BICD1: variants seen among roughly 807,000 people sequenced by gnomAD.
The protein encoded by BICD1 is protein bicaudal D homolog 1.
In BICD1, 35 loss-of-function variants were observed where a neutral mutation model predicts 92.5. That is an observed-to-expected ratio of 0.38 (90% CI 0.29 to 0.50). The LOEUF is 0.50. BICD1 is among the 20% of genes least tolerant of loss of function. The pLI, the probability that BICD1 is intolerant of heterozygous loss-of-function variation, is 0.93. For synonymous variants in BICD1, 429 were observed against 465.1 expected (o/e 0.92, Z 1.00); for missense variants, 950 against 1,189.8 (o/e 0.80, Z 2.97).
intron 4 of BICD1, among the ~76,000 whole-genome samples, chr12:32,317,733 A>G (rs1948541775): frequency 6.6e-6 from 1 of 152,034 alleles, no homozygotes; most frequent in African/African-American, 2.4e-5. Flanking sequence ...CCATTTGTCA[A>G]TTTTGGCTTT....
At chr12:32,114,755 AAT>A (rs1941828783) in intron 1 of BICD1, among the ~76,000 whole-genome samples, 1 of 152,222 alleles carries the variant, frequency 6.6e-6, no homozygotes, top group Non-Finnish European at 1.5e-5. Flanking sequence ...TAAACAATTT[AAT>A]AATGTTTTCA....
At position 32,175,302 on chromosome 12, in the gene BICD1, T is replaced by C. The variant is rs538686128; in HGVS notation, c.214-40945T>C. Among the ~76,000 whole-genome samples the C allele has an allele frequency of 3.6e-4, 55 of 152,304 alleles. 1 individual carries two copies. The highest frequency in any genetic ancestry group is 1.2e-3 in the African/African-American group (49 of 41,558). On this transcript the variant is annotated intron_variant, in intron 1 of 9. Transcript: ENST00000652176. ...TTTTCTTCTTTTTACCTTGTGTTTC[T>C]AACACATACTAAGCTTTTTTTCTTT... is the stretch of plus-strand genomic sequence containing the variant.
chr12:32,135,914 G>A (rs1045034445), intron 1 of BICD1, among the ~76,000 whole-genome samples: 10 of 124,242 alleles, frequency 8.0e-5, no homozygotes, highest in Non-Finnish European at 1.6e-4. Flanking sequence ...AAGGAGAGGC[G>A]TGTGGAGGAT....
chr12:32,211,809 A>T (rs1388910793), intron 1 of BICD1, among the ~76,000 whole-genome samples: 1 of 152,044 alleles, frequency 6.6e-6, no homozygotes. Flanking sequence ...CAGGATGATG[A>T]TCTGTTGAAG....
intron 9 of BICD1, chr12:32,368,091 T>C: frequency 9.5e-6 from 2 of 211,588 alleles, no homozygotes; most frequent in Non-Finnish European, 1.9e-5. Flanking sequence ...TTTTCTTTTG[T>C]CTTTAAAATA....
At chr12:32,215,697 C>T (rs190336872) in intron 1 of BICD1, among the ~76,000 whole-genome samples, 1 of 151,900 alleles carries the variant, frequency 6.6e-6, no homozygotes, top group African/African-American at 2.4e-5. Flanking sequence ...TGCCTGTAAT[C>T]CCAGAACTTT....
chr12:32,274,092 T>A (rs1398761759), intron 2 of BICD1, among the ~76,000 whole-genome samples: 1 of 152,192 alleles, frequency 6.6e-6, no homozygotes, highest in Non-Finnish European at 1.5e-5. Flanking sequence ...GAAGGCAGGG[T>A]TTCGTGGGGG....
intron 1 of BICD1, among the ~76,000 whole-genome samples, chr12:32,212,012 G>A (rs11051854): frequency 6.6e-6 from 1 of 152,248 alleles, no homozygotes; most frequent in East Asian, 1.9e-4. Flanking sequence ...ACCACATCTG[G>A]AAATCTGACT....
intron 5 of BICD1, among the ~76,000 whole-genome samples, chr12:32,331,543 G>A (rs1450406997): frequency 1.3e-5 from 2 of 152,098 alleles, no homozygotes; most frequent in Non-Finnish European, 2.9e-5. Context: ...TGGGATCCAG[G>A]TCCAAACATG....
Position 32,289,951 on chromosome 12 carries a change from T to C in BICD1, c.427-4043T>C, listed in dbSNP as rs569638995. ...ACACTTGTGACCTACAGAATTGCTT[T>C]AAGAGGTCAGCACTGATAAAAACAG... On this transcript the variant is annotated intron_variant, in intron 2 of 9. Transcript: ENST00000652176. 1.1e-4 allele frequency among the ~76,000 whole-genome samples: 16 copies of C among 152,290 alleles called. No homozygotes were observed. In the South Asian group the frequency reaches 1.9e-3, roughly 18 times the overall value.
intron 1 of BICD1, among the ~76,000 whole-genome samples, chr12:32,158,679 C>T (rs1943515341): frequency 1.3e-5 from 2 of 152,168 alleles, no homozygotes; most frequent in South Asian, 4.1e-4. Flanking sequence ...GGCTTTGCTT[C>T]CTTCTCATGT....
intron 1 of BICD1, among the ~76,000 whole-genome samples, chr12:32,206,165 T>G (rs755793805): frequency 6.6e-6 from 1 of 152,252 alleles, no homozygotes; most frequent in Non-Finnish European, 1.5e-5. Flanking sequence ...TGTGTAAATC[T>G]TTATGTGATC....
chr12:32,199,294 G>A (rs1944831990), intron 1 of BICD1, among the ~76,000 whole-genome samples: 1 of 152,146 alleles, frequency 6.6e-6, no homozygotes, highest in Non-Finnish European at 1.5e-5. Flanking sequence ...GAGGTAAGTA[G>A]CTCAGGGCTT....
At chr12:32,107,883 A>C in intron 1 of BICD1, 1 of 600,684 alleles carries the variant, frequency 1.7e-6, no homozygotes, top group South Asian at 1.9e-5. Flanking sequence ...CTGTTATCTC[A>C]AACCCAGGTT....
chr12:32,254,276 C>T (rs1467594985), intron 2 of BICD1, among the ~76,000 whole-genome samples: 1 of 151,052 alleles, frequency 6.6e-6, no homozygotes, highest in Non-Finnish European at 1.5e-5. Flanking sequence ...CGTATCCCAC[C>T]TGCCATAATC....
chr12:32,169,016 G>A (rs1943857370), intron 1 of BICD1, among the ~76,000 whole-genome samples: 1 of 152,026 alleles, frequency 6.6e-6, no homozygotes, highest in South Asian at 2.1e-4. Context: ...CCCTTGCTTT[G>A]TGCCCATCTG....
chr12:32,113,956 C>G (rs1172706715), intron 1 of BICD1, among the ~76,000 whole-genome samples: 2 of 151,546 alleles, frequency 1.3e-5, no homozygotes, highest in Non-Finnish European at 2.9e-5. Flanking sequence ...ACTGCAACCT[C>G]TGCCTCCCGG....
intron 1 of BICD1, among the ~76,000 whole-genome samples, chr12:32,170,376 T>TA (rs1943900675): frequency 6.6e-6 from 1 of 152,220 alleles, no homozygotes; most frequent in African/African-American, 2.4e-5. Flanking sequence ...ATACATTCAA[T>TA]AAATAAAATA....
At chr12:32,372,081 C>T (rs1342066187) in intron 9 of BICD1, among the ~76,000 whole-genome samples, 4 of 152,202 alleles carry the variant, frequency 2.6e-5, no homozygotes, top group African/African-American at 4.8e-5. Context: ...CACCATGATT[C>T]CTTTTCCCTC....
Sources: gnomAD v4.1 joint callset for allele counts (sites outside exome capture counted in the v4.1 genomes callset) on GRCh38, gnomAD v4.1.1 for gene constraint, MANE v1.5 for transcripts, NCBI Gene and HGNC (gene_info 2026-07-23, HGNC 2026-07-21) for gene names.